Variants in KASH5 observed in about 807,000 individuals in gnomAD.
KASH5 encodes KASH domain containing 5.
A neutral mutation model predicts 84.2 loss-of-function variants in KASH5; 72 were observed. The ratio of observed to expected loss-of-function variants is 0.85; its 90% CI spans 0.71 to 1.04. The LOEUF (loss-of-function observed/expected upper bound fraction) is 1.04, where lower values mean the gene tolerates loss of function less well. KASH5 is among the 50% of genes least tolerant of loss of function. The pLI, the probability that KASH5 is intolerant of heterozygous loss-of-function variation, is 0.00. For missense variants in KASH5, 650 were observed against 701.0 expected, an observed-to-expected ratio of 0.93 and a Z score of 0.82; for synonymous variants, 260 against 279.1, an observed-to-expected ratio of 0.93 and a Z score of 0.68.
chr19:49,413,437 C>T (rs527537539), intron 16 of KASH5, among the ~76,000 whole-genome samples: 26 of 152,316 alleles, frequency 1.7e-4, no homozygotes, highest in African/African-American at 5.5e-4. Context: ...GGATGGAGAA[C>T]GCACTAGATG....
Position 49,406,930 on chromosome 19 carries a change from T to C in KASH5, c.843T>C (p.Ser281=). Residue 281 remains serine, a synonymous_variant, in exon 10 of 20, where the codon AGT becomes AGC. Transcript: ENST00000447857. The part of the protein sequence containing the change: ...LAERDGVKKR[S]QELAMEKDTL... ...AGCGGGATGGAGTGAAAAAGAGAAGTCAGGAGCTGGCCATGGAGAAGGACA... is the reference window on the plus strand; with the variant it reads ...AGCGGGATGGAGTGAAAAAGAGAAGCCAGGAGCTGGCCATGGAGAAGGACA... 1 of 1,603,178 alleles carries C rather than the reference T, an allele frequency of 6.2e-7. No homozygotes were observed. Among genetic ancestry groups the C allele is most frequent in the Non-Finnish European group, 8.5e-7 (1 of 1,174,926 alleles).
In KASH5 at chr19:49,399,607, G is replaced by T. The variant is rs182310162; in HGVS notation, c.798+100G>T. On this transcript the variant is annotated intron_variant, in intron 9 of 19. Coordinates refer to ENST00000447857, the MANE Select transcript of KASH5 (RefSeq NM_144688.5). The surrounding 1 kb of genome is among the most constrained non-coding windows in gnomAD (Gnocchi z 4.4). ...CCCAACACCCCAGCAGCCTGTCTTGGGGAGACCTCAGAATGTCAGTAGTGT... is the reference window on the plus strand; with the variant it reads ...CCCAACACCCCAGCAGCCTGTCTTGTGGAGACCTCAGAATGTCAGTAGTGT... The T allele has an allele frequency of 9.2e-5, 143 of 1,548,278 alleles. No individual in the cohort carries two copies. In the African/African-American group the frequency reaches 1.8e-3, roughly 19 times the overall value.
At chr19:49,391,056 G>A in intron 2 of KASH5, 130 bp downstream of exon 2, 2 of 989,296 alleles carry the variant, frequency 2.0e-6, no homozygotes, top group East Asian at 2.8e-5. Flanking sequence ...TGGGTGCAGA[G>A]TGGAAGGGAG....
At chr19:49,392,977 T>C (rs1222483182) in intron 2 of KASH5, among the ~76,000 whole-genome samples, 3 of 150,982 alleles carry the variant, frequency 2.0e-5, no homozygotes, top group African/African-American at 7.3e-5. Flanking sequence ...TCCCCCTAAC[T>C]GTGAGTCCAC....
Position 49,404,235 on chromosome 19 carries a change from TGGAGTGCCAAGA to T in KASH5, c.799-2646_799-2635del, listed in dbSNP as rs994641892. 1.2e-4 allele frequency among the ~76,000 whole-genome samples: 18 copies of T among 152,164 alleles called. 1 individual carries two copies. The highest frequency in any genetic ancestry group is 4.1e-4 in the African/African-American group (17 of 41,450). On this transcript the variant is annotated intron_variant, in intron 9 of 19. Transcript: ENST00000447857. The stretch of plus-strand genomic sequence containing the variant: ...GAGAGGCTGGCCTTGGTGTATCCCC[TGGAGTGCCAAGA>T]GGAGGGGCGTGGTGAAAGGGAACTC...
At chr19:49,397,779 G>A (rs961134269) in intron 6 of KASH5, 62 bp downstream of exon 6, 56 of 1,573,970 alleles carry the variant, frequency 3.6e-5, no homozygotes, top group Non-Finnish European at 4.8e-5. Flanking sequence ...CCAGCCTGCC[G>A]AGGCCCGGGT....
At chr19:49,389,001 T>C (rs1358672854) in intron 1 of KASH5, among the ~76,000 whole-genome samples, 1 of 151,074 alleles carries the variant, frequency 6.6e-6, no homozygotes, top group Non-Finnish European at 1.5e-5. Flanking sequence ...GACCCCGAAA[T>C]GCACTCAGAG....
chr19:49,409,400 T>C (rs2122201524), intron 14 of KASH5, 117 bp downstream of exon 14: 1 of 1,075,688 alleles, frequency 9.3e-7, no homozygotes, highest in Non-Finnish European at 1.4e-6. Flanking sequence ...CAGAGGCTCC[T>C]ATCGCAACCT....
At chr19:49,401,467 G>A (rs1463906318) in intron 9 of KASH5, among the ~76,000 whole-genome samples, 3 of 152,206 alleles carry the variant, frequency 2.0e-5, no homozygotes, top group Non-Finnish European at 1.5e-5. Context: ...GCAGAGGTCT[G>A]GAGAGGACCC....
chr19:49,390,525 CAGCCTGGACCGGCGGCA>C (rs1568606930), intron 1 of KASH5, among the ~76,000 whole-genome samples: 1 of 152,168 alleles, frequency 6.6e-6, no homozygotes, highest in East Asian at 1.9e-4. Context: ...GAGGACCAGG[CAGCCTGGACCGGCGGCA>C]AGCCATGTGA....
intron 2 of KASH5, chr19:49,393,840 G>A (rs2146846802): frequency 6.5e-6 from 1 of 152,732 alleles, no homozygotes; most frequent in East Asian, 1.9e-4. Flanking sequence ...CAGATGTGCA[G>A]CTGGACTCTG....
intron 3 of KASH5, chr19:49,394,786 G>A (rs945359994): frequency 3.4e-5 from 20 of 593,336 alleles, no homozygotes; most frequent in South Asian, 6.3e-5. Flanking sequence ...CTTGGGGGAC[G>A]TTGATGGAAG....
intron 2 of KASH5, chr19:49,393,277 C>A (rs1974061046): frequency 6.6e-6 from 1 of 152,238 alleles, no homozygotes; most frequent in Non-Finnish European, 1.5e-5. Flanking sequence ...CAATTCTATT[C>A]TTGAGTCCCC....
chr19:49,397,949 G>T, intron 6 of KASH5, 33 bp from the exon 7 acceptor site: 2 of 1,608,500 alleles, frequency 1.2e-6, no homozygotes, highest in East Asian at 2.2e-5. Context: ...CAGGGGCTGT[G>T]GACAGTGACC....
chr19:49,415,107 CAG>C (rs1974859962), intron 17 of KASH5, 111 bp downstream of exon 17: 1 of 1,045,428 alleles, frequency 9.6e-7, no homozygotes, highest in South Asian at 1.4e-5. Flanking sequence ...TCCTCAGGAG[CAG>C]AGAGAAAAAT....
intron 5 of KASH5, among the ~76,000 whole-genome samples, chr19:49,396,243 CTTT>C (rs869199643): frequency 0.042 from 1,521 of 35,912 alleles, 62 homozygotes; most frequent in African/African-American, 0.1. Context: ...CCCTGCTGGA[CTTT>C]TTTTTTTTTT....
rs183542789 is a variant in KASH5, at chr19:49,388,537, A to G, written c.-96+210A>G. 2.0e-5 allele frequency: 3 copies of G among 151,972 alleles called. No individual in the cohort carries two copies. The East Asian group carries it at 5.8e-4, about 29-fold the overall frequency. The allele number at this position is 151,972 out of a possible 1,614,324, so 9.4% of individuals were successfully genotyped here. ...GAAACCCCGTCTCTACTAAAAATAC[A>G]AAAAATTAGCCAGGCGTAGTGGCAC... On this transcript the variant is annotated intron_variant, in intron 1 of 19. Coordinates refer to ENST00000447857, the MANE Select transcript of KASH5 (RefSeq NM_144688.5).
chr19:49,408,911 A>G, intron 12 of KASH5, 56 bp from the exon 13 acceptor site: 1 of 1,535,498 alleles, frequency 6.5e-7, no homozygotes. Flanking sequence ...CCAGAGGTGG[A>G]TGGGAGGGTG....
intron 17 of KASH5, chr19:49,415,360 C>G (rs1974872259): frequency 2.8e-6 from 1 of 358,066 alleles, no homozygotes; most frequent in South Asian, 2.5e-5. Flanking sequence ...CCCCAGCCAG[C>G]CTCAGAACTC....
Sources: allele counts gnomAD v4.1 joint callset (sites outside exome capture counted in the v4.1 genomes callset), GRCh38; gene constraint gnomAD v4.1.1; non-coding constraint Gnocchi (gnomAD v3.1); transcripts MANE v1.5; gene names NCBI Gene and HGNC (gene_info 2026-07-23, HGNC 2026-07-21).